The following RBFOX1 variants were observed in gnomAD, a reference collection of about 807,000 sequenced individuals.
RBFOX1 encodes the protein RNA binding fox-1 homolog 1, also known as RNA binding protein fox-1 homolog 1.
RBFOX1 carries 8 observed loss-of-function variants against 57.7 expected under a neutral mutation model. The ratio of observed to expected loss-of-function variants is 0.14; its 90% CI spans 0.08 to 0.25. The LOEUF (loss-of-function observed/expected upper bound fraction) is 0.25, where lower values mean the gene tolerates loss of function less well. RBFOX1 is among the 10% of genes least tolerant of loss of function. RBFOX1 has a pLI of 1.00. For synonymous variants in RBFOX1, 326 were observed against 222.4 expected (o/e 1.47, Z -4.15); for missense variants, 611 against 548.5 (o/e 1.11, Z -1.14).
intron 4 of RBFOX1, among the ~76,000 whole-genome samples, chr16:7,237,951 C>T (rs1342563481): frequency 1.3e-5 from 2 of 152,198 alleles, no homozygotes; most frequent in South Asian, 4.1e-4. Flanking sequence ...TTACAGTGAG[C>T]CCACGTCGCG....
intron 3 of RBFOX1, among the ~76,000 whole-genome samples, chr16:5,792,770 G>C (rs1184484124): frequency 6.6e-6 from 1 of 152,188 alleles, no homozygotes; most frequent in African/African-American, 2.4e-5. Context: ...TTGCACCCTG[G>C]AGGTGGAGGT....
chr16:7,010,830 G>A (rs570339548), intron 3 of RBFOX1, among the ~76,000 whole-genome samples: 39 of 150,342 alleles, frequency 2.6e-4, no homozygotes, highest in African/African-American at 7.0e-4. Flanking sequence ...CTCTGCCTCC[G>A]CCTCCCAAAG....
chr16:7,558,798 A>C (rs888357339), intron 5 of RBFOX1, among the ~76,000 whole-genome samples: 5 of 152,210 alleles, frequency 3.3e-5, no homozygotes, highest in Non-Finnish European at 5.9e-5. Flanking sequence ...GTATTGAGCC[A>C]ATGCCATAAG....
chr16:5,800,614 G>C (rs1427999107), intron 3 of RBFOX1, among the ~76,000 whole-genome samples: 1 of 152,172 alleles, frequency 6.6e-6, no homozygotes, highest in East Asian at 1.9e-4. Context: ...GTGACCCAGT[G>C]ACTCAGGGAC....
In RBFOX1 at chr16:5,578,879, A is replaced by T. The variant is rs2046563816; in HGVS notation, c.259-20023A>T. 2.6e-5 allele frequency among the ~76,000 whole-genome samples: 3 copies of T among 117,198 alleles called. No individual in the cohort carries two copies. In the South Asian group the frequency reaches 8.0e-4, roughly 31 times the overall value. The allele number at this position is 117,198 out of a possible 152,430, so 76.9% of individuals were successfully genotyped here. ...TTTTTTTTTTTTTTGAGAGAGTCTC[A>T]CTCTGTCGCCCAGACTGGAGTGCAG... On this transcript the variant is annotated intron_variant, in intron 2 of 2. Coordinates refer to the RBFOX1 transcript ENST00000585867.
At chr16:6,054,809 G>A (rs1350893426) in intron 1 of RBFOX1, among the ~76,000 whole-genome samples, 1 of 152,136 alleles carries the variant, frequency 6.6e-6, no homozygotes, top group African/African-American at 2.4e-5. Context: ...TTGAGACAGA[G>A]TCTCACTCTG....
intron 1 of RBFOX1, among the ~76,000 whole-genome samples, chr16:6,022,664 C>G (rs375671761): frequency 6.6e-6 from 1 of 152,022 alleles, no homozygotes; most frequent in African/African-American, 2.4e-5. Flanking sequence ...GCCTGGGTGA[C>G]CAGAATGAGA....
chr16:5,476,029 A>G (rs1202791715), intron 2 of RBFOX1, among the ~76,000 whole-genome samples: 3 of 152,074 alleles, frequency 2.0e-5, no homozygotes, highest in Admixed American at 6.6e-5. Context: ...TATACCAAGC[A>G]GCTCATCCAG....
At chr16:7,686,353 CCTT>C (rs764309990) in intron 14 of RBFOX1, among the ~76,000 whole-genome samples, 2 of 152,014 alleles carry the variant, frequency 1.3e-5, no homozygotes, top group African/African-American at 4.8e-5. Context: ...AATATCCTAT[CCTT>C]CTTTTTCAAC....
chr16:6,970,282 C>G (rs185688730), intron 3 of RBFOX1, among the ~76,000 whole-genome samples: 1 of 152,232 alleles, frequency 6.6e-6, no homozygotes, highest in East Asian at 1.9e-4. Context: ...CTTTCAATGA[C>G]CCAACAACAT....
At chr16:7,539,736 A>G (rs935342617) in intron 5 of RBFOX1, among the ~76,000 whole-genome samples, 5 of 152,208 alleles carry the variant, frequency 3.3e-5, no homozygotes, top group African/African-American at 4.8e-5. Context: ...GCATGATAGC[A>G]CTGGGCTTCC....
At chr16:7,653,243 G>A (rs568441188) in intron 11 of RBFOX1, among the ~76,000 whole-genome samples, 11 of 152,300 alleles carry the variant, frequency 7.2e-5, no homozygotes, top group African/African-American at 2.6e-4. Flanking sequence ...GTCCATAACT[G>A]TAATCTCAGC....
intron 4 of RBFOX1, among the ~76,000 whole-genome samples, chr16:7,342,306 G>T (rs902922373): frequency 6.6e-6 from 1 of 152,122 alleles, no homozygotes; most frequent in Non-Finnish European, 1.5e-5. Context: ...GATGCCTAGG[G>T]CTGGGCTTCC....
At chr16:6,643,046 C>G (rs1164252116) in intron 2 of RBFOX1, among the ~76,000 whole-genome samples, 1 of 152,182 alleles carries the variant, frequency 6.6e-6, no homozygotes, top group Non-Finnish European at 1.5e-5. Context: ...TGAAGCATCT[C>G]TGCCACGCTG....
rs112025166 is a variant in RBFOX1 at position 7,456,225 on chromosome 16, C to A, written c.28-61922C>A. Among the ~76,000 whole-genome samples, 700 of 152,292 alleles carry A rather than the reference C, an allele frequency of 4.6e-3. 3 individuals are homozygous for A. Among genetic ancestry groups the A allele is most frequent in the African/African-American group, 0.015 (635 of 41,556 alleles). On this transcript the variant is annotated intron_variant, in intron 4 of 15. Coordinates refer to ENST00000550418, the MANE Select transcript of RBFOX1 (RefSeq NM_018723.4). ...AGCATCCATCCCTTTAACAGTTCCTCCACGTTAGGACCCTCCTCTCAACAT... is the reference window on the plus strand; with the variant it reads ...AGCATCCATCCCTTTAACAGTTCCTACACGTTAGGACCCTCCTCTCAACAT...
chr16:7,105,370 T>G (rs916714311), intron 4 of RBFOX1, among the ~76,000 whole-genome samples: 1 of 151,640 alleles, frequency 6.6e-6, no homozygotes, highest in Admixed American at 6.6e-5. Context: ...ACGGGTGGTG[T>G]TTGGTTACAT....
chr16:6,183,483 A>AATT (rs1416187723), intron 1 of RBFOX1, among the ~76,000 whole-genome samples: 5 of 53,992 alleles, frequency 9.3e-5, no homozygotes, highest in African/African-American at 3.2e-4. Flanking sequence ...CCATCTAAAA[A>AATT]AATTAAATAA....
intron 4 of RBFOX1, among the ~76,000 whole-genome samples, chr16:7,340,588 A>G (rs1015366197): frequency 4.6e-5 from 7 of 152,208 alleles, no homozygotes; most frequent in African/African-American, 1.7e-4. Context: ...CAACAACACA[A>G]TAATCAGTGC....
At chr16:6,363,145 A>G (rs2088907368) in intron 2 of RBFOX1, among the ~76,000 whole-genome samples, 3 of 152,190 alleles carry the variant, frequency 2.0e-5, no homozygotes, top group African/African-American at 4.8e-5. Flanking sequence ...AAGTAACTCA[A>G]TTGGCTTCAA....
Sources: allele counts gnomAD v4.1 joint callset (sites outside exome capture counted in the v4.1 genomes callset), GRCh38; gene constraint gnomAD v4.1.1; transcripts MANE v1.5; gene names NCBI Gene and HGNC (gene_info 2026-07-23, HGNC 2026-07-21).